The following GPATCH11 variants were observed in gnomAD, a reference collection of about 807,000 sequenced individuals.
GPATCH11 encodes G-patch domain containing 11, also known as G patch domain-containing protein 11.
In GPATCH11, 32 loss-of-function variants were observed where a neutral mutation model predicts 44.8. That is an observed-to-expected ratio of 0.71 (90% CI 0.54 to 0.96). The LOEUF (loss-of-function observed/expected upper bound fraction) is 0.96. Among genes scored for constraint, GPATCH11 ranks in the 40% least tolerant of loss-of-function variants. The pLI is 0.00. For missense variants in GPATCH11, 324 were observed against 303.1 expected (o/e 1.07, Z -0.51); for synonymous variants, 84 against 94.4 (o/e 0.89, Z 0.64).
chr2:37,092,735 T>G (rs1346662634), intron 6 of GPATCH11, among the ~76,000 whole-genome samples: 1 of 152,118 alleles, frequency 6.6e-6, no homozygotes, highest in Non-Finnish European at 1.5e-5. Flanking sequence ...TGTTCTCTGC[T>G]TATTTGAATA....
chr2:37,089,229 G>C lies in GPATCH11; in HGVS notation c.60-411G>C, dbSNP rs555131249. ...AATAACAAAGATGATCATAGAGGTA[G>C]TGCCGAAATATTAACTGTTGTCAGG... On this transcript the variant is annotated intron_variant, in intron 2 of 8. Coordinates refer to ENST00000674370, the MANE Select transcript of GPATCH11 (RefSeq NM_174931.4). 4.6e-5 allele frequency among the ~76,000 whole-genome samples: 7 copies of C among 152,250 alleles called. No individual in the cohort carries two copies. The South Asian group carries it at 8.3e-4, about 18-fold the overall frequency.
chr2:37,085,280 T>C (rs571160112), intron 1 of GPATCH11, among the ~76,000 whole-genome samples: 1 of 152,358 alleles, frequency 6.6e-6, no homozygotes, highest in South Asian at 2.1e-4. Flanking sequence ...TTTGTGGTTT[T>C]GAAATAGTCA....
chr2:37,095,709 G>A (rs908918625), intron 8 of GPATCH11, among the ~76,000 whole-genome samples, 191 bp downstream of exon 8: 42 of 152,160 alleles, frequency 2.8e-4, no homozygotes, highest in Non-Finnish European at 6.2e-4. Context: ...GAAACTGAAT[G>A]TGTGGAAGTG....
In GPATCH11 at chr2:37,095,286, AAT is replaced by A; in HGVS notation, c.655-146_655-145del. 8.8e-6 allele frequency: 8 copies of A among 908,528 alleles called. 1 individual carries two copies. In the South Asian group the frequency reaches 2.1e-4, roughly 24 times the overall value. 56.3% of individuals were successfully genotyped at this position (908,528 alleles called of 1,614,324 possible). ...TGGCTAATGAACTGTAACACATTCG[AAT>A]ATATCAGTTCTGTCCTTGACATTTC... On this transcript the variant is annotated intron_variant, in intron 7 of 8. Coordinates refer to ENST00000674370, the MANE Select transcript of GPATCH11 (RefSeq NM_174931.4).
At chr2:37,094,440 G>T (rs574784561) in intron 7 of GPATCH11, 5 of 300,344 alleles carry the variant, frequency 1.7e-5, no homozygotes, top group East Asian at 1.1e-4. Flanking sequence ...TGCATTGCAG[G>T]ATTACTTTAC....
At chr2:37,089,537 A>C in intron 2 of GPATCH11, 103 bp from the exon 3 acceptor site, 22 of 813,622 alleles carry the variant, frequency 2.7e-5, no homozygotes, top group Non-Finnish European at 3.7e-5. Flanking sequence ...ATTGCATTAC[A>C]GCCCGGGCAA....
chr2:37,098,462 A>G lies in GPATCH11; in HGVS notation c.*2199A>G, dbSNP rs1432424134. 6.6e-6 allele frequency: 1 copy of G among 152,038 alleles called. No homozygotes were observed. The highest frequency in any genetic ancestry group is 1.5e-5 in the Non-Finnish European group (1 of 68,010). 9.4% of individuals were successfully genotyped at this position (152,038 alleles called of 1,614,324 possible). On this transcript the variant is annotated 3_prime_UTR_variant, in exon 9 of 9. Coordinates refer to ENST00000674370, the MANE Select transcript of GPATCH11 (RefSeq NM_174931.4). The stretch of plus-strand genomic sequence containing the variant: ...CAATACTGTGGTGTCATTTCAGCCA[A>G]CATACCAACATTCAGTCAAATCCCA...
chr2:37,093,336 AAAAT>A (rs1673423802), intron 6 of GPATCH11, among the ~76,000 whole-genome samples: 4 of 151,694 alleles, frequency 2.6e-5, no homozygotes, highest in Admixed American at 6.5e-5. Context: ...CTCTACAAAA[AAAAT>A]AAATAAGTAA....
rs1407579456 is a variant in GPATCH11, at chr2:37,090,723, G to T, written c.328+1G>T. 1.3e-5 allele frequency: 18 copies of T among 1,410,760 alleles called. No individual in the cohort carries two copies. Among genetic ancestry groups the T allele is most frequent in the Non-Finnish European group, 1.8e-5 (18 of 1,023,746 alleles). 87.4% of individuals were successfully genotyped at this position (1,410,760 alleles called of 1,614,324 possible). ...CCAATTCCTCTCAATATCAAAACAG[G>T]TACGTAATTATTTTGGAGCATATTT... is the stretch of plus-strand genomic sequence containing the variant. On this transcript the variant is annotated splice_donor_variant, in intron 4 of 8. Transcript: ENST00000674370. LOFTEE classifies it high-confidence loss of function.
At chr2:37,092,343 A>T (rs1572981590) in intron 6 of GPATCH11, 88 bp downstream of exon 6, 1 of 212,636 alleles carries the variant, frequency 4.7e-6, no homozygotes, top group Non-Finnish European at 9.4e-6. Context: ...TATATATTTT[A>T]TATATGTATT....
At chr2:37,086,912 G>A (rs1418180982) in intron 1 of GPATCH11, among the ~76,000 whole-genome samples, 1 of 152,178 alleles carries the variant, frequency 6.6e-6, no homozygotes, top group Non-Finnish European at 1.5e-5. Context: ...GCAAGCTTAA[G>A]TAATGCAGAA....
Position 37,094,099 on chromosome 2 carries a change from G to T in GPATCH11, c.558G>T (p.Arg186Ser). ...LDVQKNIQVP[R>S]EAWYWLRLEE... is the part of the protein sequence containing the mutation. ...ATTTTCAGAATATTCAGGTTCCCAG[G>T]GAAGCATGGTACTGGTTGAGGCTTG... Residue 186 changes from arginine (R) to serine (S), a missense_variant, in exon 7 of 9, where the codon AGG becomes AGT. Physicochemically the swap from Arg to Ser is moderately radical, Grantham distance 110. Transcript: ENST00000674370. The T allele has an allele frequency of 6.3e-7, 1 of 1,597,910 alleles. No homozygotes were observed. Among genetic ancestry groups the T allele is most frequent in the East Asian group, 2.2e-5 (1 of 44,630 alleles).
At chr2:37,085,635 G>A (rs539990665) in intron 1 of GPATCH11, among the ~76,000 whole-genome samples, 53 of 152,296 alleles carry the variant, frequency 3.5e-4, no homozygotes, top group Admixed American at 9.8e-4. Context: ...AGAACCAAAA[G>A]AGAGTTGCAA....
Position 37,089,650 on chromosome 2 carries a change from A to AG in GPATCH11, c.71dup (p.Pro25ThrfsTer40). Reference sequence around the variant, plus strand: ...TTTTCCCTTATTCAGAGAAGATATCAGACCAGGATTGCCAATGCTAAGGCA... The same window carrying AG: ...TTTTCCCTTATTCAGAGAAGATATCAGGACCAGGATTGCCAATGCTAAGGCA... On this transcript the variant is annotated frameshift_variant, in exon 3 of 9. Transcript: ENST00000674370. LOFTEE classifies it high-confidence loss of function. 6.4e-7 allele frequency: 1 copy of AG among 1,550,808 alleles called. No individual in the cohort carries two copies. Among genetic ancestry groups the AG allele is most frequent in the Non-Finnish European group, 8.7e-7 (1 of 1,146,296 alleles).
rs1236495803 is a variant in GPATCH11 at position 37,089,665 on chromosome 2, A to C, written c.85A>C (p.Met29Leu). 15 of 1,551,568 alleles carry C rather than the reference A, an allele frequency of 9.7e-6. No individual in the cohort carries two copies. The East Asian group carries it at 3.2e-4, about 33-fold the overall frequency. ...AGAAGATATCAGACCAGGATTGCCAATGCTAAGGCAAATCCGAGAAGCCCG... is the reference window on the plus strand; with the variant it reads ...AGAAGATATCAGACCAGGATTGCCACTGCTAAGGCAAATCCGAGAAGCCCG... ...VQEDIRPGLPMLRQIREARRK... is the reference protein window; with the variant it reads ...VQEDIRPGLPLLRQIREARRK... Residue 29 changes from methionine (M) to leucine (L), a missense_variant, in exon 3 of 9, where the codon ATG (methionine) becomes CTG (leucine). Transcript: ENST00000674370.
intron 7 of GPATCH11, among the ~76,000 whole-genome samples, chr2:37,094,685 T>C (rs1337138644): frequency 6.6e-6 from 1 of 152,218 alleles, no homozygotes; most frequent in Non-Finnish European, 1.5e-5. Context: ...CTCACACCTG[T>C]AATCCAAACA....
intron 1 of GPATCH11, among the ~76,000 whole-genome samples, chr2:37,085,026 A>G (rs937735022): frequency 2.0e-4 from 30 of 152,184 alleles, no homozygotes; most frequent in African/African-American, 7.0e-4. Context: ...AGTGTACCCC[A>G]AATGCGACCA....
chr2:37,096,315 T>G lies in GPATCH11; in HGVS notation c.*52T>G. The G allele has an allele frequency of 8.7e-7, 1 of 1,152,272 alleles. No homozygotes were observed. Among genetic ancestry groups the G allele is most frequent in the Non-Finnish European group, 1.2e-6 (1 of 802,518 alleles). 71.4% of individuals were successfully genotyped at this position (1,152,272 alleles called of 1,614,324 possible). A position where few individuals can be genotyped will look rare whatever the true frequency, so the allele number is the denominator to read the frequency against. The stretch of plus-strand genomic sequence containing the variant: ...GAAAAATGTTATTACTTCCTAGGGA[T>G]AGACAATTTAGCAGTTGGAAATCTC... On this transcript the variant is annotated 3_prime_UTR_variant, in exon 9 of 9. Transcript: ENST00000674370.
chr2:37,086,125 C>T (rs2148631439), intron 1 of GPATCH11, among the ~76,000 whole-genome samples: 1 of 152,318 alleles, frequency 6.6e-6, no homozygotes, highest in Non-Finnish European at 1.5e-5. Context: ...CTGTTGGTTA[C>T]ACAGGTTAAT....
Sources: gnomAD v4.1 joint callset for allele counts (sites outside exome capture counted in the v4.1 genomes callset) on GRCh38, gnomAD v4.1.1 for gene constraint, MANE v1.5 for transcripts, NCBI Gene and HGNC (gene_info 2026-07-23, HGNC 2026-07-21) for gene names.